BCORL1: variants seen among roughly 807,000 people sequenced by gnomAD.
The protein encoded by BCORL1 is BCL-6 corepressor-like protein 1.
In BCORL1, 7 loss-of-function variants were observed where a neutral mutation model predicts 87.6. That is an observed-to-expected ratio of 0.08 (90% CI 0.05 to 0.15). The LOEUF is 0.15. Among genes scored for constraint, BCORL1 ranks in the 10% least tolerant of loss-of-function variants. The pLI is 1.00. For synonymous variants in BCORL1, 591 were observed against 634.4 expected (o/e 0.93, Z 1.03); for missense variants, 1,215 against 1,499.7 (o/e 0.81, Z 3.13).
intron 11 of BCORL1, among the ~76,000 whole-genome samples, chrX:130,048,571 G>A (rs1314172163): frequency 8.9e-6 from 1 of 112,181 alleles, no homozygotes; most frequent in East Asian, 2.8e-4. Context: ...TAATGAGGAG[G>A]CTAAGCGGTG....
rs769773700 is a variant in BCORL1, at chrX:130,025,366, G to A, written c.4065G>A (p.Arg1355=). ...YLTEQEDEQR[R]KGRADLKARK... The stretch of plus-strand genomic sequence containing the variant: ...CAGAGCAAGAAGACGAGCAGCGGCG[G>A]AAAGGGAGAGCAGGTAAGGCTGGCC... The change falls in exon 7 of 14, where the codon CGG becomes CGA. Residue 1355 remains arginine (R), a synonymous_variant. Coordinates refer to ENST00000540052, the MANE Select transcript of BCORL1 (RefSeq NM_001379451.1). 8.7e-7 allele frequency: 1 copy of A among 1,147,844 alleles called. No homozygotes were observed. Among genetic ancestry groups the A allele is most frequent in the Non-Finnish European group, 1.2e-6 (1 of 866,055 alleles). The allele number at this position is 1,147,844 out of a possible 1,213,427, so 94.6% of individuals were successfully genotyped here. A position where few individuals can be genotyped will look rare whatever the true frequency, so the allele number is the denominator to read the frequency against.
chrX:130,057,778 G>C lies in BCORL1; in HGVS notation c.*1642G>C, dbSNP rs1047857723. 13 of 108,342 alleles carry C rather than the reference G, an allele frequency of 1.2e-4. No homozygotes were observed. Among genetic ancestry groups the C allele is most frequent in the African/African-American group, 4.0e-4 (12 of 29,652 alleles). 8.9% of individuals were successfully genotyped at this position (108,342 alleles called of 1,213,427 possible). On this transcript the variant is annotated 3_prime_UTR_variant, in exon 14 of 14. Transcript: ENST00000540052. ...CTTTGTTCCTGGGGGGGAAGTTCTC[G>C]GCCCCCTTCTGTAGGACTGCTCCCC...
chrX:129,985,475 T>C (rs773820790), intron 1 of BCORL1, among the ~76,000 whole-genome samples: 19 of 111,239 alleles, frequency 1.7e-4, no homozygotes, highest in Non-Finnish European at 3.2e-4. Context: ...CACTGGGGAT[T>C]AAATGGGATA....
At chrX:129,980,447 GC>G (rs1926020268), upstream of BCORL1, among the ~76,000 whole-genome samples, 1 of 112,401 alleles carries the variant, frequency 8.9e-6, no homozygotes, top group Non-Finnish European at 1.9e-5. Context: ...TGCGGCGGGG[GC>G]GGGGGGAGGA....
upstream of BCORL1, chrX:129,981,089 C>G (rs769623120): frequency 8.9e-6 from 1 of 111,871 alleles, no homozygotes; most frequent in East Asian, 2.9e-4. Context: ...GGCCGCCTCA[C>G]GCGCACAAAT....
chrX:130,047,017 T>C (rs867018849), intron 11 of BCORL1, among the ~76,000 whole-genome samples: 5 of 109,987 alleles, frequency 4.5e-5, no homozygotes, highest in Non-Finnish European at 9.5e-5. Flanking sequence ...GCCTTTTGTG[T>C]CTGGCTTCTT....
At chrX:130,010,364 G>A (rs749449324) in intron 2 of BCORL1, 1 of 111,757 alleles carries the variant, frequency 8.9e-6, no homozygotes, top group Non-Finnish European at 1.9e-5. Context: ...CATAGGTCTC[G>A]CTTTTGTGGT....
intron 13 of BCORL1, 142 bp from the exon 14 acceptor site, chrX:130,055,711 AC>A: frequency 1.5e-6 from 1 of 646,931 alleles, no homozygotes; most frequent in Non-Finnish European, 2.4e-6. Flanking sequence ...TTAGCAGGGG[AC>A]GGGGGAGCCA....
chrX:129,993,549 A>G (rs1001839322), intron 1 of BCORL1, among the ~76,000 whole-genome samples: 18 of 110,992 alleles, frequency 1.6e-4, no homozygotes, highest in African/African-American at 5.9e-4. Flanking sequence ...TTAGCCAGGT[A>G]TGGTGGTGCA....
intron 8 of BCORL1, among the ~76,000 whole-genome samples, chrX:130,029,689 C>T (rs74864942): frequency 3.7e-3 from 396 of 107,337 alleles, no homozygotes; most frequent in African/African-American, 0.012. Context: ...CACACGCTTT[C>T]GCCCAGGCTG....
In BCORL1 at chrX:130,039,208, C is replaced by A; in HGVS notation, c.4766C>A (p.Pro1589His). Residue 1589 changes from proline (P) to histidine (H), a missense_variant, in exon 11 of 14, where the codon CCC (proline) becomes CAC (histidine). Coordinates refer to ENST00000540052, the MANE Select transcript of BCORL1 (RefSeq NM_001379451.1). ...CTCCTGCTGTCCTATGGGGCCGATCCCACACTGGCTACCTACTCGGGTCAG... is the reference window on the plus strand; with the variant it reads ...CTCCTGCTGTCCTATGGGGCCGATCACACACTGGCTACCTACTCGGGTCAG... ...IWLLLSYGADPTLATYSGQTA... is the reference protein window; with the variant it reads ...IWLLLSYGADHTLATYSGQTA... The A allele has an allele frequency of 8.3e-7, 1 of 1,211,346 alleles. No homozygotes were observed. The highest frequency in any genetic ancestry group is 1.1e-6 in the Non-Finnish European group (1 of 895,339).
intron 9 of BCORL1, 121 bp from the exon 10 acceptor site, chrX:130,037,246 C>A: frequency 1.4e-6 from 1 of 695,875 alleles, no homozygotes; most frequent in African/African-American, 2.1e-5. Context: ...TGAAGTGTGT[C>A]CCTGCTATAA....
intron 11 of BCORL1, among the ~76,000 whole-genome samples, chrX:130,039,707 G>C (rs770350567): frequency 4.4e-5 from 5 of 113,057 alleles, no homozygotes; most frequent in Non-Finnish European, 7.5e-5. Context: ...TTGTGATCAA[G>C]TGGATCACAG....
chrX:130,038,425 G>A (rs1429444829), intron 10 of BCORL1, among the ~76,000 whole-genome samples: 1 of 110,191 alleles, frequency 9.1e-6, no homozygotes, highest in Non-Finnish European at 1.9e-5. Flanking sequence ...TCTGCTCTCA[G>A]GGAGTCACCC....
chrX:130,036,450 G>A (rs1930950504), intron 9 of BCORL1, among the ~76,000 whole-genome samples: 1 of 110,873 alleles, frequency 9.0e-6, no homozygotes, highest in Non-Finnish European at 1.9e-5. Context: ...TAGTAGAGAG[G>A]GGGTTTTGCC....
chrX:130,056,158 T>C lies in BCORL1; in HGVS notation c.*22T>C, dbSNP rs951640221. ...TTGACCGGGAAAACAGCCCCTCCTCTTCTTTCTCCTTCCGAGTTCGCCCTT... is the reference window on the plus strand; with the variant it reads ...TTGACCGGGAAAACAGCCCCTCCTCCTCTTTCTCCTTCCGAGTTCGCCCTT... On this transcript the variant is annotated 3_prime_UTR_variant, in exon 14 of 14. Transcript: ENST00000540052. 4 of 1,133,946 alleles carry C rather than the reference T, an allele frequency of 3.5e-6. No individual in the cohort carries two copies. The African/African-American group carries it at 7.3e-5, about 21-fold the overall frequency. The allele number at this position is 1,133,946 out of a possible 1,213,427, so 93.4% of individuals were successfully genotyped here. A position where few individuals can be genotyped will look rare whatever the true frequency, so the allele number is the denominator to read the frequency against.
intron 11 of BCORL1, among the ~76,000 whole-genome samples, chrX:130,042,782 A>G (rs1244749954): frequency 9.1e-6 from 1 of 110,187 alleles, no homozygotes; most frequent in East Asian, 2.9e-4. Context: ...GACCAGCCTG[A>G]CCAACATGGT....
At chrX:130,047,016 G>A (rs1931798091) in intron 11 of BCORL1, among the ~76,000 whole-genome samples, 1 of 108,779 alleles carries the variant, frequency 9.2e-6, no homozygotes, top group Non-Finnish European at 1.9e-5. Flanking sequence ...GGCCTTTTGT[G>A]TCTGGCTTCT....
intron 13 of BCORL1, among the ~76,000 whole-genome samples, chrX:130,052,798 G>T (rs1251135989): frequency 8.9e-6 from 1 of 112,352 alleles, no homozygotes; most frequent in Non-Finnish European, 1.9e-5. Flanking sequence ...CCGAACAATT[G>T]TAAGGATAAT....
Sources: allele counts gnomAD v4.1 joint callset (sites outside exome capture counted in the v4.1 genomes callset), GRCh38; gene constraint gnomAD v4.1.1; transcripts MANE v1.5; gene names NCBI Gene and HGNC (gene_info 2026-07-23, HGNC 2026-07-21).